The following PLPPR1 variants were observed in gnomAD, a reference collection of about 807,000 sequenced individuals.
PLPPR1 encodes the protein phospholipid phosphatase related 1, also known as phospholipid phosphatase-related protein type 1.
A neutral mutation model predicts 33.1 loss-of-function variants in PLPPR1; 10 were observed. The ratio of observed to expected loss-of-function variants is 0.30; its 90% CI spans 0.19 to 0.51. The LOEUF is 0.51. PLPPR1 is among the 20% of genes least tolerant of loss of function. The pLI is 0.97. For missense variants in PLPPR1, 304 were observed against 408.1 expected, an observed-to-expected ratio of 0.74 and a Z score of 2.20; for synonymous variants, 151 against 151.0, an observed-to-expected ratio of 1.00 and a Z score of 0.00.
chr9:101,299,823 A>G (rs1828716772), intron 4 of PLPPR1, among the ~76,000 whole-genome samples: 1 of 152,116 alleles, frequency 6.6e-6, no homozygotes, highest in Admixed American at 6.5e-5. Flanking sequence ...TTTTGTGTAG[A>G]AGTAGAATAC....
At chr9:101,067,233 C>CAAA (rs11436092) in intron 1 of PLPPR1, among the ~76,000 whole-genome samples, 36 of 148,544 alleles carry the variant, frequency 2.4e-4, no homozygotes, top group Middle Eastern at 3.5e-3. Context: ...TACAAGTCAC[C>CAAA]AAAAAAAAAA....
At chr9:101,220,325 C>T (rs1473255858) in intron 2 of PLPPR1, among the ~76,000 whole-genome samples, 3 of 152,156 alleles carry the variant, frequency 2.0e-5, no homozygotes, top group East Asian at 3.9e-4. Context: ...TATATTAACT[C>T]ATTATTTATC....
At position 101,075,960 on chromosome 9, in the gene PLPPR1, A is replaced by G. The variant is rs371122464; in HGVS notation, c.-46+46858A>G. Among the ~76,000 whole-genome samples, 12 of 152,236 alleles carry G rather than the reference A, an allele frequency of 7.9e-5. 1 individual carries two copies. In the Middle Eastern group the frequency reaches 0.01, roughly 129 times the overall value. On this transcript the variant is annotated intron_variant, in intron 1 of 7. Transcript: ENST00000374874. ...CAAAGACCCTGAAACTGGAACAAGC[A>G]TGAGGTGTTGAGGGTCAGAAAGAAG...
chr9:101,265,631 C>T (rs956024193), intron 2 of PLPPR1, among the ~76,000 whole-genome samples: 3 of 152,214 alleles, frequency 2.0e-5, no homozygotes, highest in African/African-American at 7.2e-5. Context: ...ATGGATCTCT[C>T]TGCTCATGGA....
chr9:101,244,856 AACT>A (rs1250400252), intron 2 of PLPPR1, among the ~76,000 whole-genome samples: 6 of 152,004 alleles, frequency 3.9e-5, no homozygotes, highest in African/African-American at 9.7e-5. Flanking sequence ...ATTTATTAAT[AACT>A]ACAAGTCAAC....
In PLPPR1 at chr9:101,264,660, T is replaced by C. The variant is rs183147112; in HGVS notation, c.64-5220T>C. 6.6e-5 allele frequency among the ~76,000 whole-genome samples: 10 copies of C among 152,188 alleles called. No homozygotes were observed. In the East Asian group the frequency reaches 1.7e-3, roughly 26 times the overall value. ...GTTCAGAGGCAGCTCACAAGAAGAGTTGCTGATTGACTAGCTTTGATAGCT... is the reference window on the plus strand; with the variant it reads ...GTTCAGAGGCAGCTCACAAGAAGAGCTGCTGATTGACTAGCTTTGATAGCT... On this transcript the variant is annotated intron_variant, in intron 2 of 7. Coordinates refer to ENST00000374874, the MANE Select transcript of PLPPR1 (RefSeq NM_207299.2).
intron 1 of PLPPR1, among the ~76,000 whole-genome samples, chr9:101,056,785 A>G (rs1241037838): frequency 1.3e-5 from 2 of 152,198 alleles, no homozygotes; most frequent in Non-Finnish European, 2.9e-5. Flanking sequence ...AGAGCTGGAG[A>G]TGCAGATGTA....
intron 1 of PLPPR1, among the ~76,000 whole-genome samples, chr9:101,165,982 T>C (rs1186934089): frequency 6.6e-6 from 1 of 152,214 alleles, no homozygotes; most frequent in African/African-American, 2.4e-5. Context: ...CATTCTTCTC[T>C]CACTCTCTGC....
At chr9:101,029,605 C>A (rs528476501) in intron 1 of PLPPR1, among the ~76,000 whole-genome samples, 24 of 152,330 alleles carry the variant, frequency 1.6e-4, no homozygotes, top group African/African-American at 5.5e-4. Context: ...TTCCCTTCCA[C>A]CCCTCTGCGT....
intron 1 of PLPPR1, among the ~76,000 whole-genome samples, chr9:101,029,911 C>A (rs1376989135): frequency 6.6e-6 from 1 of 152,188 alleles, no homozygotes; most frequent in African/African-American, 2.4e-5. Flanking sequence ...CCTCTCCCAA[C>A]CCATTTCCCA....
At chr9:101,316,354 A>G (rs145992784) in intron 6 of PLPPR1, among the ~76,000 whole-genome samples, 5,218 of 151,770 alleles carry the variant, frequency 0.034, 312 homozygotes, top group African/African-American at 0.12. Context: ...GGAGAATGGC[A>G]TGAACCCGGG....
At chr9:101,162,386 G>T (rs924817970) in intron 1 of PLPPR1, among the ~76,000 whole-genome samples, 2 of 152,112 alleles carry the variant, frequency 1.3e-5, no homozygotes, top group Non-Finnish European at 2.9e-5. Flanking sequence ...TCAGTACAAA[G>T]GCCCTAAATA....
chr9:101,203,655 TATG>T, intron 2 of PLPPR1, among the ~76,000 whole-genome samples: 1 of 151,904 alleles, frequency 6.6e-6, no homozygotes, highest in Admixed American at 6.6e-5. Flanking sequence ...CACATATATC[TATG>T]TGTGATGTGT....
At chr9:101,183,259 A>G (rs950893226) in intron 1 of PLPPR1, among the ~76,000 whole-genome samples, 2 of 151,988 alleles carry the variant, frequency 1.3e-5, no homozygotes, top group Admixed American at 6.6e-5. Context: ...CAAAAATTCA[A>G]AACAATCTAA....
intron 1 of PLPPR1, among the ~76,000 whole-genome samples, chr9:101,034,270 A>G (rs1048982014): frequency 6.6e-6 from 1 of 152,136 alleles, no homozygotes; most frequent in Admixed American, 6.5e-5. Flanking sequence ...CTCCAAGAGC[A>G]TGCAAAGATA....
At chr9:101,118,710 C>A (rs1315443713) in intron 1 of PLPPR1, among the ~76,000 whole-genome samples, 1 of 152,172 alleles carries the variant, frequency 6.6e-6, no homozygotes, top group East Asian at 1.9e-4. Context: ...AAAGACAACC[C>A]TTAAATGCTT....
intron 1 of PLPPR1, among the ~76,000 whole-genome samples, chr9:101,170,376 C>T (rs547345698): frequency 3.7e-4 from 57 of 152,234 alleles, no homozygotes; most frequent in African/African-American, 1.1e-3. Flanking sequence ...AAGCAAGACA[C>T]ATCTTACATG....
At chr9:101,200,611 AG>A (rs1309804859) in intron 2 of PLPPR1, among the ~76,000 whole-genome samples, 3 of 152,178 alleles carry the variant, frequency 2.0e-5, no homozygotes, top group Admixed American at 6.5e-5. Context: ...AAGTCAGTGT[AG>A]ACAATTTCAT....
intron 1 of PLPPR1, among the ~76,000 whole-genome samples, chr9:101,113,744 C>T (rs1173676373): frequency 1.3e-5 from 2 of 152,120 alleles, no homozygotes; most frequent in Non-Finnish European, 2.9e-5. Context: ...CAACCAAACT[C>T]CTGCATTGTT....
Sources: gnomAD v4.1 joint callset for allele counts (sites outside exome capture counted in the v4.1 genomes callset) on GRCh38, gnomAD v4.1.1 for gene constraint, MANE v1.5 for transcripts, NCBI Gene and HGNC (gene_info 2026-07-23, HGNC 2026-07-21) for gene names.